LGSN: variants seen among roughly 807,000 people sequenced by gnomAD.
The protein encoded by LGSN is lengsin.
Under a neutral mutation model 19.5 loss-of-function variants are expected in LGSN, and 21 were observed. That is an observed-to-expected ratio of 1.07 (90% CI 0.76 to 1.55). The LOEUF (loss-of-function observed/expected upper bound fraction) is 1.55, where lower values mean the gene tolerates loss of function less well. LGSN is among the 40% of genes most tolerant of loss of function. LGSN has a pLI of 0.00. For missense variants in LGSN, 673 were observed against 608.5 expected (o/e 1.11, Z -1.12); for synonymous variants, 257 against 215.6 (o/e 1.19, Z -1.68).
the LGSN span, among the ~76,000 whole-genome samples, chr6:63,370,785 T>C: frequency 6.6e-6 from 1 of 152,210 alleles, no homozygotes; most frequent in Non-Finnish European, 1.5e-5. Context: ...ATCCTGCAAG[T>C]AGCCCCATGC....
the LGSN span, among the ~76,000 whole-genome samples, chr6:63,363,872 A>G: frequency 2.6e-5 from 4 of 152,206 alleles, no homozygotes; most frequent in Non-Finnish European, 5.9e-5. Flanking sequence ...CTCCTCCAGA[A>G]GAGCAACTCC....
the LGSN span, among the ~76,000 whole-genome samples, chr6:63,480,986 T>TATATATACACATATAC: frequency 1.4e-4 from 6 of 44,076 alleles, no homozygotes; most frequent in African/African-American, 2.7e-4. Flanking sequence ...TATATATATA[T>TATATATACACATATAC]ACACACACAC....
At chr6:63,295,434 A>G (rs954803527) in intron 1 of LGSN, among the ~76,000 whole-genome samples, 3 of 152,164 alleles carry the variant, frequency 2.0e-5, no homozygotes, top group African/African-American at 4.8e-5. Context: ...TAGGATTTCT[A>G]ACCTTTTTGT....
At chr6:63,505,233 A>G in the LGSN span, among the ~76,000 whole-genome samples, 1 of 151,270 alleles carries the variant, frequency 6.6e-6, no homozygotes, top group Non-Finnish European at 1.5e-5. Context: ...CAAGCATTAT[A>G]AAGTGAAGCC....
chr6:63,477,676 C>CTT, the LGSN span, among the ~76,000 whole-genome samples: 4 of 58,436 alleles, frequency 6.8e-5, no homozygotes, highest in African/African-American at 1.2e-4. Flanking sequence ...TCTTCTTCTT[C>CTT]TTCTTTTTTT....
At chr6:63,410,743 T>TTTTA in the LGSN span, among the ~76,000 whole-genome samples, 12 of 152,156 alleles carry the variant, frequency 7.9e-5, no homozygotes, top group Admixed American at 7.9e-4. Flanking sequence ...ATGACATGTG[T>TTTTA]TTTAACCAAG....
At chr6:63,303,643 C>T (rs1768271051) in intron 1 of LGSN, among the ~76,000 whole-genome samples, 1 of 152,308 alleles carries the variant, frequency 6.6e-6, no homozygotes, top group South Asian at 2.1e-4. Context: ...TGCTACAATG[C>T]AGGCTTCAAT....
the LGSN span, among the ~76,000 whole-genome samples, chr6:63,492,939 C>G: frequency 6.6e-6 from 1 of 152,064 alleles, no homozygotes; most frequent in African/African-American, 2.4e-5. Context: ...GTCATTTTTG[C>G]CTGAAGTGCT....
chr6:63,288,208 C>T (rs1767617546), intron 2 of LGSN, among the ~76,000 whole-genome samples: 1 of 150,344 alleles, frequency 6.7e-6, no homozygotes, highest in Non-Finnish European at 1.5e-5. Context: ...GCCTGGGTGA[C>T]AGAGTGAGAC....
chr6:63,502,913 G>A, the LGSN span, among the ~76,000 whole-genome samples: 12 of 152,108 alleles, frequency 7.9e-5, no homozygotes, highest in Admixed American at 4.6e-4. Context: ...GCTAGAAGAC[G>A]ATCTATGCTC....
chr6:63,449,138 C>G, the LGSN span, among the ~76,000 whole-genome samples: 1 of 151,978 alleles, frequency 6.6e-6, no homozygotes, highest in Non-Finnish European at 1.5e-5. Flanking sequence ...GAACCAATGC[C>G]CTGCAGACAC....
chr6:63,423,463 C>T, the LGSN span, among the ~76,000 whole-genome samples: 1 of 149,492 alleles, frequency 6.7e-6, no homozygotes, highest in Non-Finnish European at 1.5e-5. Context: ...TGGCAAAACT[C>T]TGTCTCTACC....
At chr6:63,384,489 T>TTGCG in the LGSN span, among the ~76,000 whole-genome samples, 3 of 131,504 alleles carry the variant, frequency 2.3e-5, no homozygotes, top group Non-Finnish European at 4.8e-5. Flanking sequence ...AAATAACACC[T>TTGCG]TGTGTGTGTG....
the LGSN span, among the ~76,000 whole-genome samples, chr6:63,457,074 C>A: frequency 6.6e-6 from 1 of 152,152 alleles, no homozygotes; most frequent in African/African-American, 2.4e-5. Flanking sequence ...TCATTCTCAC[C>A]CTCATCATTT....
At chr6:63,368,590 C>G in the LGSN span, among the ~76,000 whole-genome samples, 4 of 152,330 alleles carry the variant, frequency 2.6e-5, no homozygotes, top group South Asian at 2.1e-4. Context: ...GCTCCTCCCC[C>G]CACTCCACAC....
At chr6:63,338,100 G>A in the LGSN span, among the ~76,000 whole-genome samples, 6 of 152,056 alleles carry the variant, frequency 3.9e-5, no homozygotes, top group African/African-American at 1.4e-4. Flanking sequence ...TGGCCAGGCT[G>A]CTCTCAAACT....
At chr6:63,369,412 A>G in the LGSN span, among the ~76,000 whole-genome samples, 2 of 152,194 alleles carry the variant, frequency 1.3e-5, no homozygotes, top group Non-Finnish European at 2.9e-5. Flanking sequence ...TTGTAAAATA[A>G]CGTCGTTCAT....
chr6:63,300,833 A>G (rs955740968), intron 1 of LGSN, among the ~76,000 whole-genome samples: 7 of 152,308 alleles, frequency 4.6e-5, no homozygotes, highest in African/African-American at 1.7e-4. Context: ...TAGATCTATT[A>G]AAAATAATTG....
At chr6:63,306,216 G>A (rs797003852) in intron 1 of LGSN, among the ~76,000 whole-genome samples, 87 of 152,182 alleles carry the variant, frequency 5.7e-4, no homozygotes, top group African/African-American at 2.1e-3. Context: ...TTCCAAAGCA[G>A]AAATAACCCA....
Sources: allele counts gnomAD v4.1 joint callset (sites outside exome capture counted in the v4.1 genomes callset), GRCh38; gene constraint gnomAD v4.1.1; transcripts MANE v1.5; gene names NCBI Gene and HGNC (gene_info 2026-07-23, HGNC 2026-07-21).